The following IGSF10 variants were observed in gnomAD, a reference collection of about 807,000 sequenced individuals.
IGSF10 encodes calvaria mechanical force protein 608.
A neutral mutation model predicts 128.2 loss-of-function variants in IGSF10; 126 were observed. The observed-to-expected ratio is 0.98, with a 90% confidence interval of 0.85 to 1.14. The LOEUF (loss-of-function observed/expected upper bound fraction) is 1.14. Among genes scored for constraint, IGSF10 ranks in the 50% most tolerant of loss-of-function variants. IGSF10 has a pLI of 0.00. For missense variants in IGSF10, 3,295 were observed against 3,149.8 expected (o/e 1.05, Z -1.10); for synonymous variants, 1,185 against 1,146.2 (o/e 1.03, Z -0.68).
At chr3:151,596,532 G>A in the IGSF10 span, among the ~76,000 whole-genome samples, 32 of 151,974 alleles carry the variant, frequency 2.1e-4, no homozygotes, top group African/African-American at 6.8e-4. Context: ...GTTCTTATGC[G>A]CTTTGGCCTT....
Position 151,446,005 on chromosome 3 carries a change from G to T in IGSF10, c.3976C>A (p.Pro1326Thr). The T allele has an allele frequency of 6.2e-7, 1 of 1,614,144 alleles. No homozygotes were observed. The change falls in exon 6 of 8, where the codon CCT (proline) becomes ACT (threonine). Residue 1326 changes from proline (P) to threonine (T), a missense_variant. Pro to Thr is a conservative substitution (Grantham distance 38). Transcript: ENST00000282466. ...TAIPATTPTFPASVITYETQT... is the reference protein window; with the variant it reads ...TAIPATTPTFTASVITYETQT... ...GTTTCATAAGTGATGACAGATGCAG[G>T]GAAGGTAGGAGTTGTTGCTGGTATT...
rs528859447 is a variant in IGSF10, at chr3:151,436,702, A to C, written c.7859T>G (p.Ile2620Ser). 2.7e-5 allele frequency: 43 copies of C among 1,601,198 alleles called. No homozygotes were observed. Among genetic ancestry groups the C allele is most frequent in the Non-Finnish European group, 3.5e-5 (41 of 1,173,660 alleles). Residue 2620 changes from isoleucine to serine, a missense_variant, in exon 8 of 8, where the codon ATT (isoleucine) becomes AGT (serine). Coordinates refer to ENST00000282466, the MANE Select transcript of IGSF10 (RefSeq NM_178822.5). ...TATTATTTCATGTCAGATTACTTGA[A>C]TATACGTTGCTGCATAATCACTACC... ...PLGSDYAATY[I>S]QVI
At chr3:151,587,953 T>A in the IGSF10 span, among the ~76,000 whole-genome samples, 2 of 152,240 alleles carry the variant, frequency 1.3e-5, no homozygotes, top group Non-Finnish European at 2.9e-5. Flanking sequence ...TTAAACCTCT[T>A]TCTTTTGTAA....
the IGSF10 span, among the ~76,000 whole-genome samples, chr3:151,480,875 C>A: frequency 1.6e-4 from 25 of 152,116 alleles, no homozygotes; most frequent in Admixed American, 5.9e-4. Flanking sequence ...CAAGGTATCA[C>A]CCCATTCCCC....
chr3:151,615,744 G>T, the IGSF10 span, among the ~76,000 whole-genome samples: 1 of 152,072 alleles, frequency 6.6e-6, no homozygotes, highest in Non-Finnish European at 1.5e-5. Context: ...AGCTTTAAGG[G>T]AGTGATTAAA....
chr3:151,568,573 T>G, the IGSF10 span, among the ~76,000 whole-genome samples: 4 of 152,148 alleles, frequency 2.6e-5, no homozygotes, highest in South Asian at 2.1e-4. Context: ...CACCCCTGTG[T>G]GTAATAAGCT....
At chr3:151,477,956 A>G in the IGSF10 span, among the ~76,000 whole-genome samples, 29 of 152,242 alleles carry the variant, frequency 1.9e-4, no homozygotes, top group Admixed American at 1.6e-3. Context: ...TATAATTTTA[A>G]TGTATCACAA....
chr3:151,439,587 C>CT (rs1346324687), intron 7 of IGSF10, among the ~76,000 whole-genome samples: 2 of 152,246 alleles, frequency 1.3e-5, no homozygotes, highest in Non-Finnish European at 2.9e-5. Flanking sequence ...ACACTCTAGT[C>CT]TGGGTGACAA....
the IGSF10 span, among the ~76,000 whole-genome samples, chr3:151,565,466 G>A: frequency 6.6e-6 from 1 of 152,152 alleles, no homozygotes; most frequent in African/African-American, 2.4e-5. Flanking sequence ...CTCCTGGCCA[G>A]AGCAGAAGGT....
At position 151,445,944 on chromosome 3, in the gene IGSF10, CTT is replaced by C. The variant is rs746276082; in HGVS notation, c.4035_4036del (p.Glu1347ThrfsTer10). On this transcript the variant is annotated frameshift_variant, in exon 6 of 8. Coordinates refer to ENST00000282466, the MANE Select transcript of IGSF10 (RefSeq NM_178822.5). LOFTEE classifies it high-confidence loss of function. ...GTTCTTCTTTTGAGGCTCCTGTTCT[CTT>C]TGTATTGTTTGTGCTCTAGATCTCT... 1.1e-5 allele frequency: 18 copies of C among 1,614,088 alleles called. No homozygotes were observed. In the South Asian group the frequency reaches 2.0e-4, roughly 18 times the overall value.
the IGSF10 span, among the ~76,000 whole-genome samples, chr3:151,492,382 A>G: frequency 6.6e-6 from 1 of 152,182 alleles, no homozygotes; most frequent in East Asian, 1.9e-4. Flanking sequence ...TATGGAGAAA[A>G]AGGAAACCCC....
the IGSF10 span, among the ~76,000 whole-genome samples, chr3:151,500,479 G>C: frequency 6.6e-6 from 1 of 152,118 alleles, no homozygotes; most frequent in Non-Finnish European, 1.5e-5. Context: ...AGATACATCT[G>C]CTTACTTATT....
the IGSF10 span, among the ~76,000 whole-genome samples, chr3:151,533,779 G>A: frequency 6.6e-6 from 1 of 152,114 alleles, no homozygotes; most frequent in Non-Finnish European, 1.5e-5. Flanking sequence ...AAAAGCAATG[G>A]CAACAAAAGC....
chr3:151,618,723 C>G, the IGSF10 span, among the ~76,000 whole-genome samples: 1 of 142,392 alleles, frequency 7.0e-6, no homozygotes, highest in Admixed American at 7.2e-5. Context: ...GAGTGAGACT[C>G]CATCTCAAAA....
At chr3:151,432,898 T>G, downstream of IGSF10, 1 of 933,738 alleles carries the variant, frequency 1.1e-6, no homozygotes, top group Non-Finnish European at 1.6e-6. Flanking sequence ...TGTCCCTTTT[T>G]TTCATTTCTT....
the IGSF10 span, among the ~76,000 whole-genome samples, chr3:151,486,317 A>G: frequency 3.3e-4 from 50 of 152,268 alleles, 1 homozygote; most frequent in East Asian, 9.1e-3. Flanking sequence ...CAGATACATA[A>G]AGCAAGTTCT....
At chr3:151,522,108 C>T in the IGSF10 span, among the ~76,000 whole-genome samples, 1 of 151,772 alleles carries the variant, frequency 6.6e-6, no homozygotes, top group Non-Finnish European at 1.5e-5. Flanking sequence ...GAAGAGATGG[C>T]TACATTTCTA....
chr3:151,446,866 A>T lies in IGSF10; in HGVS notation c.3115T>A (p.Phe1039Ile). 1 of 1,614,212 alleles carries T rather than the reference A, an allele frequency of 6.2e-7. No homozygotes were observed. The highest frequency in any genetic ancestry group is 8.5e-7 in the Non-Finnish European group (1 of 1,180,026). Residue 1039 changes from phenylalanine (F) to isoleucine (I), a missense_variant, in exon 6 of 8, where the codon TTC (phenylalanine) becomes ATC (isoleucine). Phe to Ile is a conservative substitution (Grantham distance 21). Coordinates refer to ENST00000282466, the MANE Select transcript of IGSF10 (RefSeq NM_178822.5). ...GAAGAACCTCTGGTTGTTGACCTGA[A>T]AATGCTGTATCTATGCCGTCGCAGA... The part of the protein sequence containing the change: ...PVLRRHRYSI[F>I]RSTTRGSSEK...
the IGSF10 span, among the ~76,000 whole-genome samples, chr3:151,597,916 T>TA: frequency 5.1e-3 from 740 of 144,440 alleles, 5 homozygotes; most frequent in East Asian, 0.025. Context: ...AGACTCTGTC[T>TA]AAAAAAAAAA....
Sources: allele counts gnomAD v4.1 joint callset (sites outside exome capture counted in the v4.1 genomes callset), GRCh38; gene constraint gnomAD v4.1.1; transcripts MANE v1.5; gene names NCBI Gene and HGNC (gene_info 2026-07-23, HGNC 2026-07-21).